DCLK1: variants seen among roughly 807,000 people sequenced by gnomAD.
The protein encoded by DCLK1 is serine/threonine-protein kinase DCLK1.
A neutral mutation model predicts 86.2 loss-of-function variants in DCLK1; 16 were observed. That is an observed-to-expected ratio of 0.19 (90% CI 0.13 to 0.28). The LOEUF (loss-of-function observed/expected upper bound fraction) is 0.28, where lower values mean the gene tolerates loss of function less well. DCLK1 is among the 10% of genes least tolerant of loss of function. The pLI is 1.00. For missense variants in DCLK1, 590 were observed against 940.2 expected (o/e 0.63, Z 4.87); for synonymous variants, 369 against 370.5 (o/e 1.00, Z 0.05).
chr13:35,974,394 G>T lies in DCLK1; in HGVS notation c.724-26937C>A, dbSNP rs574833388. 3.9e-5 allele frequency among the ~76,000 whole-genome samples: 6 copies of T among 152,326 alleles called. No individual in the cohort carries two copies. The East Asian group carries it at 9.7e-4, about 25-fold the overall frequency. On this transcript the variant is annotated intron_variant, in intron 3 of 16. Coordinates refer to ENST00000360631, the MANE Select transcript of DCLK1 (RefSeq NM_001330071.2). ...GGAAGACCGTGTAAGGACACAAGGG[G>T]AGGGTGTCCCACCTGCAAGCCTAGG...
rs564463244 is a variant in DCLK1 at position 35,886,478 on chromosome 13, G to C, written c.824-15138C>G. On this transcript the variant is annotated intron_variant, in intron 4 of 16. Coordinates refer to ENST00000360631, the MANE Select transcript of DCLK1 (RefSeq NM_001330071.2). ...AAATATCTACCCTAAAGAAGCAAAGGATGTTAGAAAAAGCTCCCCCCGATG... is the reference window on the plus strand; with the variant it reads ...AAATATCTACCCTAAAGAAGCAAAGCATGTTAGAAAAAGCTCCCCCCGATG... Among the ~76,000 whole-genome samples, 492 of 152,150 alleles carry C rather than the reference G, an allele frequency of 3.2e-3. 4 individuals are homozygous for C. Among genetic ancestry groups the C allele is most frequent in the African/African-American group, 0.011 (472 of 41,480 alleles).
chr13:35,929,422 T>C (rs1442838044), intron 4 of DCLK1, among the ~76,000 whole-genome samples: 1 of 152,218 alleles, frequency 6.6e-6, no homozygotes, highest in African/African-American at 2.4e-5. Context: ...TCTCAATAGT[T>C]GGGCAGGGAG....
rs1344050655 is a variant in DCLK1, at chr13:35,770,668, A to G, written c.*3867T>C. 2 of 152,366 alleles carry G rather than the reference A, an allele frequency of 1.3e-5. No individual in the cohort carries two copies. The highest frequency in any genetic ancestry group is 4.8e-5 in the African/African-American group (2 of 41,588). The allele number at this position is 152,366 out of a possible 1,614,324, so 9.4% of individuals were successfully genotyped here. On this transcript the variant is annotated 3_prime_UTR_variant, in exon 17 of 17. Transcript: ENST00000360631. ...TAAAAAAATTATTGACTTACAAATT[A>G]TAGAAAAGATATGTTATCTACAATA...
intron 3 of DCLK1, among the ~76,000 whole-genome samples, chr13:35,988,547 C>A (rs2153143219): frequency 6.6e-6 from 1 of 152,282 alleles, no homozygotes. Flanking sequence ...TTTATTATAC[C>A]ATTTATGATC....
intron 6 of DCLK1, chr13:35,849,599 C>A (rs1490309916): frequency 1.0e-6 from 1 of 976,988 alleles, no homozygotes; most frequent in African/African-American, 1.8e-5. Context: ...TAAGCAAAGA[C>A]GACTATAATT....
At chr13:35,865,034 G>C (rs1374242221) in intron 5 of DCLK1, among the ~76,000 whole-genome samples, 1 of 152,082 alleles carries the variant, frequency 6.6e-6, no homozygotes, top group African/African-American at 2.4e-5. Context: ...GAAACTTCAA[G>C]ATAAACACAG....
chr13:35,797,026 T>C (rs1347962700), intron 15 of DCLK1, among the ~76,000 whole-genome samples: 1 of 152,128 alleles, frequency 6.6e-6, no homozygotes, highest in Admixed American at 6.5e-5. Context: ...TGTCCACTAA[T>C]CTGGGATGTG....
intron 8 of DCLK1, among the ~76,000 whole-genome samples, chr13:35,834,212 G>C (rs1348261317): frequency 1.3e-5 from 2 of 152,186 alleles, no homozygotes; most frequent in Non-Finnish European, 2.9e-5. Flanking sequence ...TTTACTATCA[G>C]TAAAAGCATC....
intron 3 of DCLK1, among the ~76,000 whole-genome samples, chr13:35,953,411 TA>T (rs1462292985): frequency 6.6e-6 from 1 of 152,138 alleles, no homozygotes; most frequent in Non-Finnish European, 1.5e-5. Flanking sequence ...TATTGTATAT[TA>T]ATAGTATATA....
At chr13:35,833,725 C>A (rs879083748) in intron 8 of DCLK1, among the ~76,000 whole-genome samples, 2 of 152,200 alleles carry the variant, frequency 1.3e-5, no homozygotes, top group Admixed American at 1.3e-4. Flanking sequence ...TACCCGCAAG[C>A]AATGTGTGCC....
At chr13:36,125,741 G>C in intron 2 of DCLK1, 21 bp downstream of exon 2, 2 of 1,601,178 alleles carry the variant, frequency 1.2e-6, no homozygotes, top group Non-Finnish European at 1.7e-6. Flanking sequence ...GGTCACGTGG[G>C]GGTTATCTCA....
intron 3 of DCLK1, among the ~76,000 whole-genome samples, chr13:36,014,428 C>T (rs1219171671): frequency 1.3e-5 from 2 of 152,116 alleles, no homozygotes; most frequent in African/African-American, 4.8e-5. Flanking sequence ...TAAATTACAG[C>T]CGATAAAAAC....
chr13:35,960,599 A>T (rs1386447913), intron 3 of DCLK1, among the ~76,000 whole-genome samples: 1 of 152,132 alleles, frequency 6.6e-6, no homozygotes, highest in African/African-American at 2.4e-5. Context: ...CTGGGACTAC[A>T]GGCATTCACC....
At chr13:36,114,572 A>C (rs1480244531) in intron 2 of DCLK1, among the ~76,000 whole-genome samples, 7 of 152,224 alleles carry the variant, frequency 4.6e-5, no homozygotes, top group African/African-American at 1.7e-4. Flanking sequence ...TATGCTAATA[A>C]ATTTCCATTG....
chr13:35,824,402 A>G (rs1252593517), intron 10 of DCLK1, among the ~76,000 whole-genome samples: 2 of 151,788 alleles, frequency 1.3e-5, no homozygotes, highest in South Asian at 2.1e-4. Context: ...CTGGTCTCCA[A>G]CTCCTGGCCT....
rs1870502176 is a variant in DCLK1 at position 35,850,147 on chromosome 13, A to G, written c.1035+4352T>C. ...TTTCTCTCGGATGTACTAACCCACA[A>G]AACAGTAAGTAGCTTTTTCTACTGT... is the stretch of plus-strand genomic sequence containing the variant. On this transcript the variant is annotated intron_variant, in intron 6 of 16. Transcript: ENST00000360631. The G allele has an allele frequency of 3.0e-6, 3 of 985,288 alleles. No homozygotes were observed. The East Asian group carries it at 3.4e-4, about 112-fold the overall frequency. 61.0% of individuals were successfully genotyped at this position (985,288 alleles called of 1,614,324 possible).
At chr13:35,953,374 A>T (rs1348047492) in intron 3 of DCLK1, among the ~76,000 whole-genome samples, 1 of 152,156 alleles carries the variant, frequency 6.6e-6, no homozygotes, top group African/African-American at 2.4e-5. Flanking sequence ...AGCTGATAAA[A>T]TCATTATGAT....
intron 3 of DCLK1, among the ~76,000 whole-genome samples, chr13:36,007,665 G>C (rs1005806610): frequency 1.3e-5 from 2 of 152,114 alleles, no homozygotes; most frequent in Admixed American, 1.3e-4. Flanking sequence ...ATTTCCTTTA[G>C]GATCTTTTCC....
At chr13:35,958,022 C>CT (rs1878120832) in intron 3 of DCLK1, among the ~76,000 whole-genome samples, 1 of 4,548 alleles carries the variant, frequency 2.2e-4, no homozygotes, top group Non-Finnish European at 4.5e-4. Context: ...CACCATCACA[C>CT]ACCACAACTA....
Sources: allele counts gnomAD v4.1 joint callset (sites outside exome capture counted in the v4.1 genomes callset), GRCh38; gene constraint gnomAD v4.1.1; transcripts MANE v1.5; gene names NCBI Gene and HGNC (gene_info 2026-07-23, HGNC 2026-07-21).